The following SLC6A7 variants were observed in gnomAD, a reference collection of about 807,000 sequenced individuals.
SLC6A7 encodes the protein sodium-dependent proline transporter.
A neutral mutation model predicts 73.1 loss-of-function variants in SLC6A7; 58 were observed. The ratio of observed to expected loss-of-function variants is 0.79; its 90% CI spans 0.64 to 0.99. The LOEUF (loss-of-function observed/expected upper bound fraction) is 0.99, where lower values mean the gene tolerates loss of function less well. Ranked by LOEUF, SLC6A7 falls within the 50% of genes least tolerant of loss-of-function variation. The pLI is 0.00. For synonymous variants in SLC6A7, 338 were observed against 338.7 expected (o/e 1.00, Z 0.02); for missense variants, 783 against 831.4 (o/e 0.94, Z 0.72).
Position 150,209,750 on chromosome 5 carries a change from G to C in SLC6A7, c.*135G>C. The C allele has an allele frequency of 1.4e-6, 1 of 717,124 alleles. No homozygotes were observed. The highest frequency in any genetic ancestry group is 2.4e-6 in the Non-Finnish European group (1 of 412,198). 44.4% of individuals were successfully genotyped at this position (717,124 alleles called of 1,614,324 possible). On this transcript the variant is annotated 3_prime_UTR_variant, in exon 14 of 14. Coordinates refer to ENST00000230671, the MANE Select transcript of SLC6A7 (RefSeq NM_014228.5). ...CTGCCATAGGGATGCCAGTCCCCCA[G>C]TGGGGGTCCCTTCTGCAGCCTCTGC...
intron 1 of SLC6A7, among the ~76,000 whole-genome samples, chr5:150,194,337 G>A (rs1231827110): frequency 1.3e-5 from 2 of 151,990 alleles, no homozygotes; most frequent in African/African-American, 4.8e-5. Context: ...GCTGAGACGG[G>A]AGAATTGCTT....
intron 4 of SLC6A7, 23 bp downstream of exon 4, chr5:150,197,299 G>A (rs116740151): frequency 0.011 from 15,823 of 1,489,498 alleles, 93 homozygotes; most frequent in Non-Finnish European, 0.013. Context: ...CTGGCCCCGC[G>A]GCATCTGAGG....
intron 13 of SLC6A7, among the ~76,000 whole-genome samples, chr5:150,207,349 G>T (rs1328216191): frequency 6.6e-6 from 1 of 152,054 alleles, no homozygotes; most frequent in African/African-American, 2.4e-5. Context: ...TCCGCCTCCC[G>T]GGTTCAAGTG....
At position 150,202,506 on chromosome 5, in the gene SLC6A7, T is replaced by G. The variant is rs10875556; in HGVS notation, c.962+56T>G. The G allele has an allele frequency of 5.6e-6, 9 of 1,610,298 alleles. No homozygotes were observed. In the Admixed American group the frequency reaches 1.2e-4, roughly 21 times the overall value. ...GGTCCAAAGCAGGGAGGAGAGTGGC[T>G]GGCCAGGGAGGGCCTCAGAGGCTGA... is the stretch of plus-strand genomic sequence containing the variant. On this transcript the variant is annotated intron_variant, in intron 7 of 13. Coordinates refer to ENST00000230671, the MANE Select transcript of SLC6A7 (RefSeq NM_014228.5).
intron 13 of SLC6A7, among the ~76,000 whole-genome samples, chr5:150,208,686 C>T (rs959543659): frequency 1.3e-5 from 2 of 152,160 alleles, no homozygotes; most frequent in African/African-American, 2.4e-5. Flanking sequence ...ATGTTAATTG[C>T]CTCCTTTCTT....
rs777414753 is a variant in SLC6A7, at chr5:150,202,397, C to T, written c.909C>T (p.Phe303=). The change falls in exon 7 of 14, where the codon TTC becomes TTT. Residue 303 remains phenylalanine (F), a synonymous_variant. Coordinates refer to ENST00000230671, the MANE Select transcript of SLC6A7 (RefSeq NM_014228.5). ...LQIFYSLGVG[F]GGLLTFASYN... The stretch of plus-strand genomic sequence containing the variant: ...TCTTCTATTCCCTGGGTGTGGGCTT[C>T]GGGGGGCTCCTCACCTTTGCCTCCT... 17 of 1,614,030 alleles carry T rather than the reference C, an allele frequency of 1.1e-5. No homozygotes were observed. The highest frequency in any genetic ancestry group is 7.7e-5 in the South Asian group (7 of 91,086).
chr5:150,198,053 A>G (rs1020175199), intron 4 of SLC6A7, among the ~76,000 whole-genome samples: 3 of 36,844 alleles, frequency 8.1e-5, no homozygotes, highest in African/African-American at 2.1e-4. Context: ...AAGAAAGAGA[A>G]AGAAAGAAAG....
chr5:150,203,065 C>A (rs1052979705), intron 8 of SLC6A7, among the ~76,000 whole-genome samples: 1 of 143,590 alleles, frequency 7.0e-6, no homozygotes, highest in Non-Finnish European at 1.5e-5. Flanking sequence ...CAGAGCAAGA[C>A]TCTGCCTCAA....
At chr5:150,205,046 C>T in intron 12 of SLC6A7, 119 bp downstream of exon 12, 1 of 633,696 alleles carries the variant, frequency 1.6e-6, no homozygotes, top group Non-Finnish European at 2.8e-6. Context: ...TGTGGGGTGG[C>T]CACCAGAATC....
Position 150,204,026 on chromosome 5 carries a change from C to T in SLC6A7, c.1320C>T (p.Ile440=). The change falls in exon 10 of 14, where the codon ATC becomes ATT. Residue 440 remains isoleucine, a synonymous_variant. Coordinates refer to ENST00000230671, the MANE Select transcript of SLC6A7 (RefSeq NM_014228.5). Reference sequence around the variant, plus strand: ...TGGCCATGTACCTGATGGGGCTGATCCTCACCACTGATGTGAGTGGCGCTA... The same window carrying T: ...TGGCCATGTACCTGATGGGGCTGATTCTCACCACTGATGTGAGTGGCGCTA... ...ICVAMYLMGL[I]LTTDGGMYWL... 6.2e-7 allele frequency: 1 copy of T among 1,613,188 alleles called. No homozygotes were observed. Among genetic ancestry groups the T allele is most frequent in the Non-Finnish European group, 8.5e-7 (1 of 1,179,642 alleles).
chr5:150,191,380 C>G (rs1168261759), intron 1 of SLC6A7, among the ~76,000 whole-genome samples: 1 of 152,160 alleles, frequency 6.6e-6, no homozygotes, highest in African/African-American at 2.4e-5. Context: ...TTCAAGTTCT[C>G]TGCTCTGGGG....
Position 150,203,712 on chromosome 5 carries a change from T to G in SLC6A7, c.1133T>G (p.Leu378Arg), listed in dbSNP as rs768117612. ...FVVYPQAMTM[L>R]PLSPFWSFLF... is the part of the protein sequence containing the mutation. ...GTCTACCCACAGGCCATGACCATGCTGCCTCTGTCACCCTTCTGGTCCTTT... is the reference window on the plus strand; with the variant it reads ...GTCTACCCACAGGCCATGACCATGCGGCCTCTGTCACCCTTCTGGTCCTTT... Residue 378 changes from leucine (L) to arginine (R), a missense_variant, in exon 9 of 14, where the codon CTG becomes CGG. Leu to Arg is a moderately radical substitution (Grantham distance 102, BLOSUM62 -2). Transcript: ENST00000230671. 3.1e-6 allele frequency: 5 copies of G among 1,613,156 alleles called. No homozygotes were observed. In the South Asian group the frequency reaches 4.4e-5, roughly 14 times the overall value.
At chr5:150,205,168 GGAGCCTTT>G (rs1753622526) in intron 12 of SLC6A7, among the ~76,000 whole-genome samples, 2 of 152,218 alleles carry the variant, frequency 1.3e-5, no homozygotes, top group African/African-American at 4.8e-5. Flanking sequence ...CCTCAGGATT[GGAGCCTTT>G]AGGCTGTGAT....
chr5:150,193,861 G>A (rs937237377), intron 1 of SLC6A7, among the ~76,000 whole-genome samples: 2 of 152,184 alleles, frequency 1.3e-5, no homozygotes, highest in African/African-American at 2.4e-5. Flanking sequence ...CCTGGCTTTC[G>A]CATCAGGAAG....
chr5:150,201,086 C>G lies in SLC6A7; in HGVS notation c.724-3C>G. 1 of 1,613,626 alleles carries G rather than the reference C, an allele frequency of 6.2e-7. No homozygotes were observed. The highest frequency in any genetic ancestry group is 8.5e-7 in the Non-Finnish European group (1 of 1,179,680). ...CATCAGCTCCTCACTTATCATCTCTCAGGTGGTGTATTTCACGGCCACGTT... is the reference window on the plus strand; with the variant it reads ...CATCAGCTCCTCACTTATCATCTCTGAGGTGGTGTATTTCACGGCCACGTT... On this transcript the variant is annotated splice_polypyrimidine_tract_variant and splice_region_variant and intron_variant, in intron 5 of 13. Coordinates refer to ENST00000230671, the MANE Select transcript of SLC6A7 (RefSeq NM_014228.5).
At chr5:150,208,013 G>A (rs1013203707) in intron 13 of SLC6A7, among the ~76,000 whole-genome samples, 4 of 151,802 alleles carry the variant, frequency 2.6e-5, no homozygotes, top group Non-Finnish European at 1.5e-5. Context: ...CCTTCCATGC[G>A]CAGGACAGCC....
At chr5:150,199,769 C>T (rs1753273547) in intron 5 of SLC6A7, among the ~76,000 whole-genome samples, 1 of 152,112 alleles carries the variant, frequency 6.6e-6, no homozygotes, top group African/African-American at 2.4e-5. Flanking sequence ...TCAGGCACAG[C>T]TGGGTCTAGG....
At chr5:150,194,670 A>G in intron 1 of SLC6A7, 58 bp from the exon 2 acceptor site, 1 of 1,316,012 alleles carries the variant, frequency 7.6e-7, no homozygotes, top group Non-Finnish European at 1.1e-6. Context: ...TCTTGAGGTC[A>G]CATTTCTGGC....
chr5:150,204,703 C>T, intron 11 of SLC6A7, 72 bp downstream of exon 11: 4 of 1,388,754 alleles, frequency 2.9e-6, no homozygotes, highest in Non-Finnish European at 4.1e-6. Flanking sequence ...TGGGGAGCCC[C>T]AGTACCTGGG....
Sources: gnomAD v4.1 joint callset for allele counts (sites outside exome capture counted in the v4.1 genomes callset) on GRCh38, gnomAD v4.1.1 for gene constraint, MANE v1.5 for transcripts, NCBI Gene and HGNC (gene_info 2026-07-23, HGNC 2026-07-21) for gene names.